Variants in MINDY4 observed in about 807,000 individuals in gnomAD.
MINDY4 encodes probable ubiquitin carboxyl-terminal hydrolase MINDY-4.
In MINDY4, 68 loss-of-function variants were observed where a neutral mutation model predicts 87.0. The ratio of observed to expected loss-of-function variants is 0.78; its 90% CI spans 0.64 to 0.96. MINDY4 has a LOEUF of 0.96. MINDY4 is among the 40% of genes least tolerant of loss of function. The pLI is 0.00. For missense variants in MINDY4, 919 were observed against 928.2 expected, an observed-to-expected ratio of 0.99 and a Z score of 0.13; for synonymous variants, 379 against 363.2, an observed-to-expected ratio of 1.04 and a Z score of -0.50.
intron 5 of MINDY4, among the ~76,000 whole-genome samples, chr7:30,820,657 A>G (rs1788300061): frequency 6.6e-6 from 1 of 152,206 alleles, no homozygotes; most frequent in Admixed American, 6.5e-5. Context: ...TCCATATTGT[A>G]GCATGTATCC....
At chr7:30,887,240 C>T (rs1206220204) in intron 17 of MINDY4, among the ~76,000 whole-genome samples, 1 of 152,184 alleles carries the variant, frequency 6.6e-6, no homozygotes, top group Non-Finnish European at 1.5e-5. Flanking sequence ...ATTCTCTGGG[C>T]GCTGTCACTC....
At chr7:30,797,193 C>T (rs1022609330) in intron 5 of MINDY4, among the ~76,000 whole-genome samples, 3 of 152,226 alleles carry the variant, frequency 2.0e-5, no homozygotes, top group African/African-American at 7.2e-5. Context: ...CGATGGCCTA[C>T]TGTGTGCCAG....
At chr7:30,860,336 G>A (rs574425368) in intron 13 of MINDY4, among the ~76,000 whole-genome samples, 2 of 152,226 alleles carry the variant, frequency 1.3e-5, no homozygotes, top group East Asian at 1.9e-4. Flanking sequence ...CTGTGGCCTC[G>A]TGCGCCAGGC....
chr7:30,861,966 G>C (rs1789780051), intron 13 of MINDY4, among the ~76,000 whole-genome samples: 1 of 152,260 alleles, frequency 6.6e-6, no homozygotes, highest in African/African-American at 2.4e-5. Context: ...ATGGGACCAA[G>C]CCCCGCCCAG....
intron 7 of MINDY4, among the ~76,000 whole-genome samples, chr7:30,838,065 C>T (rs1788915510): frequency 6.6e-6 from 1 of 152,162 alleles, no homozygotes; most frequent in South Asian, 2.1e-4. Context: ...GTAGAATCCA[C>T]CTGCTGGTCT....
At chr7:30,812,274 G>GC (rs1562539101) in intron 5 of MINDY4, among the ~76,000 whole-genome samples, 8 of 89,672 alleles carry the variant, frequency 8.9e-5, no homozygotes, top group Admixed American at 2.9e-4. Flanking sequence ...TGTGTTGAGG[G>GC]GGGGGGGGTA....
intron 15 of MINDY4, among the ~76,000 whole-genome samples, chr7:30,877,260 A>C (rs1380240295): frequency 6.6e-6 from 1 of 152,256 alleles, no homozygotes; most frequent in East Asian, 1.9e-4. Context: ...TGGAATTCCC[A>C]GGCTCACCAT....
In MINDY4 at chr7:30,812,159, G is replaced by A. The variant is rs79862762; in HGVS notation, c.1074-16520G>A. Among the ~76,000 whole-genome samples the A allele has an allele frequency of 6.4e-4, 97 of 152,002 alleles. No individual in the cohort carries two copies. In the East Asian group the frequency reaches 8.5e-3, roughly 13 times the overall value. ...CCCCATGTGGATTTGGCAGGAGAGC[G>A]TCCTTATTCTAAGGAGATGCAGGCT... On this transcript the variant is annotated intron_variant, in intron 5 of 17. Coordinates refer to ENST00000265299, the MANE Select transcript of MINDY4 (RefSeq NM_032222.3).
rs951706021 is a variant in MINDY4, at chr7:30,791,433, A to C, written c.932A>C (p.Glu311Ala). The change falls in exon 5 of 18, where the codon GAG becomes GCG. Residue 311 changes from glutamate (E) to alanine (A), a missense_variant. By Grantham distance (107) the Glu-to-Ala change is moderately radical. Coordinates refer to ENST00000265299, the MANE Select transcript of MINDY4 (RefSeq NM_032222.3). Reference protein sequence around the residue: ...WDRARPRDPSEDTPAVDGSTD... With the variant: ...WDRARPRDPSADTPAVDGSTD... ...AGGGCCAGGCCGAGGGATCCCTCCG[A>C]GGACACCCCAGCAGTGGACGGCAGC... 2.5e-6 allele frequency: 4 copies of C among 1,613,970 alleles called. No homozygotes were observed. The highest frequency in any genetic ancestry group is 3.4e-6 in the Non-Finnish European group (4 of 1,180,010).
Position 30,845,839 on chromosome 7 carries a change from A to G in MINDY4, c.1446-4615A>G, listed in dbSNP as rs566180972. 2.0e-5 allele frequency among the ~76,000 whole-genome samples: 3 copies of G among 152,328 alleles called. No individual in the cohort carries two copies. The East Asian group carries it at 5.8e-4, about 29-fold the overall frequency. On this transcript the variant is annotated intron_variant, in intron 9 of 17. Transcript: ENST00000265299. ...TTTTTCTGCAGGACTGTCTGGCTTC[A>G]TTACGACTCATTCCATCAGGCCGGC...
At chr7:30,809,633 C>G (rs918846019) in intron 5 of MINDY4, among the ~76,000 whole-genome samples, 1 of 151,202 alleles carries the variant, frequency 6.6e-6, no homozygotes, top group African/African-American at 2.4e-5. Flanking sequence ...AATTAAAATC[C>G]CAAACTTACA....
chr7:30,835,711 C>G (rs1205559631), intron 6 of MINDY4, among the ~76,000 whole-genome samples: 1 of 152,220 alleles, frequency 6.6e-6, no homozygotes, highest in African/African-American at 2.4e-5. Flanking sequence ...TGGCAGGCCC[C>G]TCTAGGGAGC....
intron 13 of MINDY4, among the ~76,000 whole-genome samples, chr7:30,869,824 C>T (rs1790047432): frequency 6.6e-6 from 1 of 152,124 alleles, no homozygotes; most frequent in Non-Finnish European, 1.5e-5. Flanking sequence ...CCTCGTGCTG[C>T]AGGAGGGGAG....
At chr7:30,811,062 T>C (rs1471687062) in intron 5 of MINDY4, among the ~76,000 whole-genome samples, 1 of 152,022 alleles carries the variant, frequency 6.6e-6, no homozygotes, top group Non-Finnish European at 1.5e-5. Flanking sequence ...TAAAGATCAC[T>C]TCTTATCGAA....
chr7:30,857,461 G>GT (rs1176212442), intron 12 of MINDY4, among the ~76,000 whole-genome samples: 1,253 of 58,990 alleles, frequency 0.021, 420 homozygotes, highest in Admixed American at 0.042. Flanking sequence ...TATCCACCTT[G>GT]TTTTTTTTTT....
chr7:30,880,303 C>A (rs1584353031), intron 15 of MINDY4, among the ~76,000 whole-genome samples: 2 of 109,258 alleles, frequency 1.8e-5, no homozygotes, highest in South Asian at 6.0e-4. Flanking sequence ...CTCCCCCGCA[C>A]CCCCCCCCAC....
At chr7:30,884,290 G>A (rs527412022) in intron 17 of MINDY4, among the ~76,000 whole-genome samples, 4 of 152,274 alleles carry the variant, frequency 2.6e-5, no homozygotes, top group East Asian at 3.9e-4. Context: ...TGCTTTGTCC[G>A]TCCGTCCGTC....
intron 9 of MINDY4, among the ~76,000 whole-genome samples, chr7:30,848,096 GCT>G (rs1259845861): frequency 6.6e-6 from 1 of 152,216 alleles, no homozygotes; most frequent in African/African-American, 2.4e-5. Context: ...AGAATTACCT[GCT>G]TCAGTAAGTT....
chr7:30,799,741 G>C (rs1216122780), intron 5 of MINDY4, among the ~76,000 whole-genome samples: 1 of 152,190 alleles, frequency 6.6e-6, no homozygotes, highest in East Asian at 1.9e-4. Flanking sequence ...TGCGTGTCAA[G>C]CTTTGGGAAG....
Sources: gnomAD v4.1 joint callset for allele counts (sites outside exome capture counted in the v4.1 genomes callset) on GRCh38, gnomAD v4.1.1 for gene constraint, MANE v1.5 for transcripts, NCBI Gene and HGNC (gene_info 2026-07-23, HGNC 2026-07-21) for gene names.